PHACTR1: variants seen among roughly 807,000 people sequenced by gnomAD.
PHACTR1 encodes the protein RPEL repeat containing 1.
PHACTR1 carries 16 observed loss-of-function variants against 69.2 expected under a neutral mutation model. That is an observed-to-expected ratio of 0.23 (90% CI 0.16 to 0.35). PHACTR1 has a LOEUF of 0.35. PHACTR1 is among the 10% of genes least tolerant of loss of function. PHACTR1 has a pLI of 1.00. For synonymous variants in PHACTR1, 312 were observed against 284.5 expected (o/e 1.10, Z -0.97); for missense variants, 510 against 734.7 (o/e 0.69, Z 3.54).
At chr6:13,267,768 T>C (rs1029547703) in intron 10 of PHACTR1, 1 of 142,780 alleles carries the variant, frequency 7.0e-6, no homozygotes, top group Non-Finnish European at 1.5e-5. Flanking sequence ...AAACAAAAAT[T>C]GGAATTCTTA....
Position 13,184,677 on chromosome 6 carries a change from G to A in PHACTR1, c.664+1991G>A, listed in dbSNP as rs533768689. ...CTGTAGCTCTCTACACATGCGTGGC[G>A]GCCTGAAGCATCGGTGCTCCGCTGT... is the stretch of plus-strand genomic sequence containing the variant. On this transcript the variant is annotated intron_variant, in intron 7 of 14. Transcript: ENST00000332995. 208 of 666,760 alleles carry A rather than the reference G, an allele frequency of 3.1e-4. 2 individuals carry two copies. Among genetic ancestry groups the A allele is most frequent in the Admixed American group, 5.5e-4 (25 of 45,604 alleles). The allele number at this position is 666,760 out of a possible 1,614,324, so 41.3% of individuals were successfully genotyped here. A position where few individuals can be genotyped will look rare whatever the true frequency, so the allele number is the denominator to read the frequency against.
intron 5 of PHACTR1, among the ~76,000 whole-genome samples, chr6:13,073,166 A>G (rs1248345065): frequency 1.3e-5 from 2 of 151,284 alleles, no homozygotes; most frequent in African/African-American, 4.9e-5. Flanking sequence ...CCGGATCATA[A>G]ACAAGCAGAA....
At chr6:13,229,909 T>A in intron 9 of PHACTR1, 128 bp from the exon 10 acceptor site, 2 of 1,109,624 alleles carry the variant, frequency 1.8e-6, no homozygotes, top group Non-Finnish European at 2.5e-6. Context: ...AACTGAGGCA[T>A]TAACCACTTT....
At chr6:13,031,816 G>T (rs946953771) in intron 4 of PHACTR1, among the ~76,000 whole-genome samples, 12 of 152,146 alleles carry the variant, frequency 7.9e-5, no homozygotes, top group Admixed American at 5.9e-4. Flanking sequence ...TTTGCCCAAG[G>T]AATACAATAG....
intron 4 of PHACTR1, among the ~76,000 whole-genome samples, chr6:12,969,940 G>C (rs199947413): frequency 6.6e-6 from 1 of 152,220 alleles, no homozygotes; most frequent in African/African-American, 2.4e-5. Context: ...TCCAGCCTGG[G>C]TGATAGAGTG....
intron 4 of PHACTR1, among the ~76,000 whole-genome samples, chr6:12,975,606 G>A (rs372643977): frequency 6.6e-6 from 1 of 152,016 alleles, no homozygotes; most frequent in Admixed American, 6.5e-5. Context: ...TATGAGACAG[G>A]GTCTCACTCC....
At chr6:12,914,021 T>G (rs1383885578) in intron 4 of PHACTR1, among the ~76,000 whole-genome samples, 1 of 152,258 alleles carries the variant, frequency 6.6e-6, no homozygotes, top group East Asian at 1.9e-4. Context: ...CAGGCTGGAG[T>G]GCAGTGGCGC....
At chr6:12,845,143 G>T (rs894583331) in intron 4 of PHACTR1, among the ~76,000 whole-genome samples, 3 of 152,120 alleles carry the variant, frequency 2.0e-5, no homozygotes, top group South Asian at 2.1e-4. Context: ...TCAAAATTGT[G>T]GGTTTTTAAA....
chr6:12,816,288 G>T (rs1297018414), intron 4 of PHACTR1, among the ~76,000 whole-genome samples: 1 of 152,212 alleles, frequency 6.6e-6, no homozygotes, highest in African/African-American at 2.4e-5. Context: ...TGCTTTTTGA[G>T]TTTCAAAGAA....
intron 6 of PHACTR1, among the ~76,000 whole-genome samples, chr6:13,167,827 G>A (rs1180420939): frequency 1.3e-5 from 2 of 152,134 alleles, no homozygotes; most frequent in African/African-American, 4.8e-5. Flanking sequence ...TCCTGAAATG[G>A]ACAACTCTTT....
At chr6:13,284,897 T>C (rs1462229974) in intron 13 of PHACTR1, among the ~76,000 whole-genome samples, 2 of 151,990 alleles carry the variant, frequency 1.3e-5, no homozygotes, top group Non-Finnish European at 2.9e-5. Context: ...ACAGACACCA[T>C]GTGTGGAAGA....
At chr6:12,999,199 C>T (rs1305103963) in intron 4 of PHACTR1, among the ~76,000 whole-genome samples, 1 of 152,162 alleles carries the variant, frequency 6.6e-6, no homozygotes, top group African/African-American at 2.4e-5. Flanking sequence ...ACTAAATAAC[C>T]CTCTGTAAGG....
chr6:13,112,719 A>G (rs11970697), intron 5 of PHACTR1, among the ~76,000 whole-genome samples: 6,440 of 151,926 alleles, frequency 0.042, 409 homozygotes, highest in African/African-American at 0.14. Flanking sequence ...CTTTTTAATG[A>G]GGTTGTTTTG....
chr6:13,150,050 T>C (rs1824067259), intron 5 of PHACTR1, among the ~76,000 whole-genome samples: 1 of 152,150 alleles, frequency 6.6e-6, no homozygotes. Flanking sequence ...TTGCCAAATA[T>C]AAAAAGAATT....
At chr6:12,802,583 G>C (rs9463134) in intron 4 of PHACTR1, among the ~76,000 whole-genome samples, 56,542 of 151,980 alleles carry the variant, frequency 0.37, 11,322 homozygotes, top group African/African-American at 0.5. Flanking sequence ...GCCATCAACC[G>C]TAGGATGTAC....
chr6:12,768,700 G>A (rs1768987298), intron 4 of PHACTR1, among the ~76,000 whole-genome samples: 1 of 152,054 alleles, frequency 6.6e-6, no homozygotes, highest in African/African-American at 2.4e-5. Flanking sequence ...TACCCAGAAG[G>A]GGAATGCTGG....
intron 5 of PHACTR1, among the ~76,000 whole-genome samples, chr6:13,081,611 T>C (rs1811383428): frequency 6.6e-6 from 1 of 152,074 alleles, no homozygotes. Context: ...CACTTTAGGC[T>C]AGAAGTTCGA....
intron 5 of PHACTR1, among the ~76,000 whole-genome samples, chr6:13,114,062 A>G (rs899795958): frequency 6.6e-6 from 1 of 152,140 alleles, no homozygotes; most frequent in Non-Finnish European, 1.5e-5. Context: ...TCTGGTCCTA[A>G]AAGTAGCTGA....
rs1478219226 is a variant in PHACTR1 at position 13,135,228 on chromosome 6, C to T, written c.416-24976C>T. Among the ~76,000 whole-genome samples, 3 of 152,338 alleles carry T rather than the reference C, an allele frequency of 2.0e-5. No individual in the cohort carries two copies. In the East Asian group the frequency reaches 5.8e-4, roughly 29 times the overall value. On this transcript the variant is annotated intron_variant, in intron 5 of 14. Coordinates refer to ENST00000332995, the MANE Select transcript of PHACTR1 (RefSeq NM_030948.6). ...GAAACCCCTGCCTGCCTCCTAACAC[C>T]TGCCATTCATTAGACACTGAATCCG...
Sources: gnomAD v4.1 joint callset for allele counts (sites outside exome capture counted in the v4.1 genomes callset) on GRCh38, gnomAD v4.1.1 for gene constraint, MANE v1.5 for transcripts, NCBI Gene and HGNC (gene_info 2026-07-23, HGNC 2026-07-21) for gene names.